The following CERS3 variants were observed in gnomAD, a reference collection of about 807,000 sequenced individuals.
The protein encoded by CERS3 is ceramide synthase 3, also known as LAG1 homolog, ceramide synthase 3.
CERS3 carries 33 observed loss-of-function variants against 50.3 expected under a neutral mutation model. The ratio of observed to expected loss-of-function variants is 0.66; its 90% CI spans 0.50 to 0.88. CERS3 has a LOEUF of 0.88. Among genes scored for constraint, CERS3 ranks in the 40% least tolerant of loss-of-function variants. The pLI is 0.00. For synonymous variants in CERS3, 176 were observed against 155.2 expected (o/e 1.13, Z -0.99); for missense variants, 470 against 460.3 (o/e 1.02, Z -0.19).
intron 2 of CERS3, chr15:100,503,712 G>A: frequency 2.1e-6 from 1 of 470,986 alleles, no homozygotes; most frequent in Non-Finnish European, 4.4e-6. Context: ...GCACATGCCT[G>A]GCAGCTCTTC....
chr15:100,442,201 G>T (rs1185648218), intron 11 of CERS3, among the ~76,000 whole-genome samples: 1 of 152,122 alleles, frequency 6.6e-6, no homozygotes, highest in East Asian at 1.9e-4. Context: ...ACCCAGCCCA[G>T]TTCATGACTC....
intron 2 of CERS3, among the ~76,000 whole-genome samples, chr15:100,507,637 A>G (rs1189043262): frequency 6.6e-6 from 1 of 152,250 alleles, no homozygotes; most frequent in African/African-American, 2.4e-5. Context: ...CAGCCCACAT[A>G]GTAGTCAGTG....
At chr15:100,463,849 C>A (rs1056708488) in intron 10 of CERS3, among the ~76,000 whole-genome samples, 5 of 152,212 alleles carry the variant, frequency 3.3e-5, no homozygotes, top group African/African-American at 4.8e-5. Flanking sequence ...AGAACCGATG[C>A]TCTGCCCTCT....
intron 10 of CERS3, 67 bp downstream of exon 10, chr15:100,469,311 G>T: frequency 8.5e-7 from 1 of 1,174,176 alleles, no homozygotes; most frequent in South Asian, 1.2e-5. Flanking sequence ...ATGCCCTGAG[G>T]GTAACCATGC....
intron 2 of CERS3, among the ~76,000 whole-genome samples, chr15:100,515,852 T>C (rs879451622): frequency 1.3e-5 from 2 of 152,206 alleles, no homozygotes; most frequent in Non-Finnish European, 2.9e-5. Flanking sequence ...GGAGCATCTG[T>C]CAGCATTTCC....
chr15:100,451,698 C>G lies in CERS3; in HGVS notation c.999+4195G>C, dbSNP rs1011408072. On this transcript the variant is annotated intron_variant, in intron 11 of 11. Transcript: ENST00000679737. ...CTCTAGCCCGGGTGACAGAGCAAGA[C>G]TCTGTCTCAAAAAAAACAAAAAACA... Among the ~76,000 whole-genome samples, 9 of 140,642 alleles carry G rather than the reference C, an allele frequency of 6.4e-5. No homozygotes were observed. In the South Asian group the frequency reaches 7.0e-4, roughly 11 times the overall value. The allele number at this position is 140,642 out of a possible 152,430, so 92.3% of individuals were successfully genotyped here.
intron 11 of CERS3, among the ~76,000 whole-genome samples, chr15:100,443,285 A>G (rs1228973723): frequency 1.3e-5 from 2 of 151,514 alleles, no homozygotes; most frequent in East Asian, 1.9e-4. Context: ...CCAATATCCC[A>G]TCCCACAGCA....
At chr15:100,544,269 G>A (rs1235913885) in intron 1 of CERS3, 1 of 152,218 alleles carries the variant, frequency 6.6e-6, no homozygotes, top group African/African-American at 2.4e-5. Context: ...ACTTTGCAAG[G>A]CCCAGTACAC....
At chr15:100,521,095 T>C (rs1327984543) in intron 2 of CERS3, among the ~76,000 whole-genome samples, 2 of 152,198 alleles carry the variant, frequency 1.3e-5, no homozygotes, top group Admixed American at 6.5e-5. Flanking sequence ...CTCAAGGTGA[T>C]ACAGAGCCAG....
At chr15:100,500,262 G>A (rs1365414032) in intron 3 of CERS3, 1 of 152,198 alleles carries the variant, frequency 6.6e-6, no homozygotes, top group African/African-American at 2.4e-5. Flanking sequence ...ATTGGGAGCT[G>A]AAGTTATAAG....
At chr15:100,538,352 A>G (rs930414155) in intron 1 of CERS3, among the ~76,000 whole-genome samples, 2 of 152,146 alleles carry the variant, frequency 1.3e-5, no homozygotes, top group Non-Finnish European at 2.9e-5. Flanking sequence ...CTGACCCCAC[A>G]TTTCTCTTCT....
chr15:100,540,108 T>C (rs909833275), intron 1 of CERS3, among the ~76,000 whole-genome samples: 4 of 152,212 alleles, frequency 2.6e-5, no homozygotes, highest in Non-Finnish European at 4.4e-5. Flanking sequence ...GTGCCCCACC[T>C]TACTGTCCAC....
At chr15:100,419,580 AC>A (rs1344390471) in intron 11 of CERS3, among the ~76,000 whole-genome samples, 1 of 143,820 alleles carries the variant, frequency 7.0e-6, no homozygotes, top group Non-Finnish European at 1.5e-5. Context: ...CACCAAGCAG[AC>A]CTAATAGACA....
At chr15:100,538,333 G>A (rs918887059) in intron 1 of CERS3, among the ~76,000 whole-genome samples, 2 of 152,206 alleles carry the variant, frequency 1.3e-5, no homozygotes, top group African/African-American at 2.4e-5. Flanking sequence ...GGAATTCTGT[G>A]TGGGGACTCT....
intron 7 of CERS3, among the ~76,000 whole-genome samples, chr15:100,477,815 G>C (rs1041765127): frequency 2.0e-5 from 3 of 152,158 alleles, no homozygotes; most frequent in Non-Finnish European, 4.4e-5. Flanking sequence ...TATTTTATTT[G>C]AAATCATTGA....
chr15:100,511,133 A>G (rs1022436968), intron 2 of CERS3, among the ~76,000 whole-genome samples: 1 of 152,102 alleles, frequency 6.6e-6, no homozygotes, highest in African/African-American at 2.4e-5. Context: ...CACTAAAAAT[A>G]CAAAAATTAC....
intron 2 of CERS3, among the ~76,000 whole-genome samples, chr15:100,509,936 T>G (rs138061126): frequency 6.6e-6 from 1 of 152,186 alleles, no homozygotes; most frequent in East Asian, 1.9e-4. Context: ...TGTCAAACAA[T>G]TCTTAAAATT....
chr15:100,417,865 A>G (rs2032077368), intron 11 of CERS3, among the ~76,000 whole-genome samples: 1 of 151,972 alleles, frequency 6.6e-6, no homozygotes, highest in Non-Finnish European at 1.5e-5. Flanking sequence ...CCTGCAGCTG[A>G]GGGTCCTCTC....
intron 2 of CERS3, among the ~76,000 whole-genome samples, chr15:100,515,774 T>C (rs1275688955): frequency 6.6e-5 from 10 of 152,162 alleles, no homozygotes; most frequent in Admixed American, 6.5e-4. Flanking sequence ...ACTTTAGGAA[T>C]GTAAAATGTA....
Sources: allele counts gnomAD v4.1 joint callset (sites outside exome capture counted in the v4.1 genomes callset), GRCh38; gene constraint gnomAD v4.1.1; transcripts MANE v1.5; gene names NCBI Gene and HGNC (gene_info 2026-07-23, HGNC 2026-07-21).